The following SMARCA5 variants were observed in gnomAD, a reference collection of about 807,000 sequenced individuals.
The protein encoded by SMARCA5 is SNF2 related chromatin remodeling ATPase 5.
A neutral mutation model predicts 140.4 loss-of-function variants in SMARCA5; 18 were observed. The observed-to-expected ratio is 0.13, with a 90% CI of 0.09 to 0.19. SMARCA5 has a LOEUF of 0.19. SMARCA5 is among the 10% of genes least tolerant of loss of function. The probability of loss-of-function intolerance (pLI) is 1.00; values close to 1 mark genes in which losing one functional copy is unlikely to be tolerated. For missense variants in SMARCA5, 606 were observed against 1,276.8 expected, an observed-to-expected ratio of 0.47 and a Z score of 8.01; for synonymous variants, 449 against 419.6, an observed-to-expected ratio of 1.07 and a Z score of -0.86.
intron 22 of SMARCA5, among the ~76,000 whole-genome samples, chr4:143,549,731 T>C (rs1737605049): frequency 6.6e-6 from 1 of 152,148 alleles, no homozygotes; most frequent in East Asian, 1.9e-4. Context: ...TTCATTTTTA[T>C]TGCTTTAATT....
At chr4:143,522,755 G>C (rs1355317636) in intron 3 of SMARCA5, among the ~76,000 whole-genome samples, 1 of 151,622 alleles carries the variant, frequency 6.6e-6, no homozygotes, top group African/African-American at 2.4e-5. Flanking sequence ...TTATGGGATA[G>C]TCAGTATGAT....
intron 13 of SMARCA5, 78 bp from the exon 14 acceptor site, chr4:143,540,285 T>G (rs1737403138): frequency 6.2e-6 from 7 of 1,128,020 alleles, no homozygotes; most frequent in Non-Finnish European, 8.6e-6. Context: ...ATTTTAATTT[T>G]TTTTCTCAGT....
intron 11 of SMARCA5, among the ~76,000 whole-genome samples, chr4:143,538,264 A>C (rs1351029605): frequency 6.6e-6 from 1 of 152,186 alleles, no homozygotes; most frequent in African/African-American, 2.4e-5. Flanking sequence ...TATGCATTGA[A>C]GAGTTGTTGT....
At chr4:143,540,329 AACT>A in intron 13 of SMARCA5, 31 bp from the exon 14 acceptor site, 1 of 1,544,404 alleles carries the variant, frequency 6.5e-7, no homozygotes, top group East Asian at 2.3e-5. Flanking sequence ...GTGACTTTTA[AACT>A]AAATTCAAAA....
At chr4:143,533,671 C>T (rs1737245704) in intron 9 of SMARCA5, among the ~76,000 whole-genome samples, 1 of 151,950 alleles carries the variant, frequency 6.6e-6, no homozygotes, top group Admixed American at 6.6e-5. Context: ...CCTCGCCTGG[C>T]TAATTTTTTG....
chr4:143,514,020 C>G lies in SMARCA5; in HGVS notation c.96C>G (p.Ser32Arg). ...TCGCCAGCGGCGGGAGCAACAGCAGCAACAAAGGCGGCCCCGAAGGCGTCG... is the reference window on the plus strand; with the variant it reads ...TCGCCAGCGGCGGGAGCAACAGCAGGAACAAAGGCGGCCCCGAAGGCGTCG... ...ASIASGGSNSSNKGGPEGVAA... is the reference protein window; with the variant it reads ...ASIASGGSNSRNKGGPEGVAA... The change falls in exon 1 of 24, where the codon AGC (serine) becomes AGG (arginine). Residue 32 changes from serine (S) to arginine (R), a missense_variant. Transcript: ENST00000283131. The G allele has an allele frequency of 1.3e-6, 2 of 1,553,076 alleles. No individual in the cohort carries two copies. Among genetic ancestry groups the G allele is most frequent in the Non-Finnish European group, 1.7e-6 (2 of 1,156,900 alleles).
intron 14 of SMARCA5, 35 bp downstream of exon 14, chr4:143,540,530 G>T (rs974666087): frequency 6.3e-7 from 1 of 1,581,516 alleles, no homozygotes; most frequent in African/African-American, 1.4e-5. Flanking sequence ...TACCAAGTTG[G>T]ATTGACACAA....
Position 143,555,173 on chromosome 4 carries a change from C to A in SMARCA5, c.*1989C>A, listed in dbSNP as rs1022107101. 4 of 721,848 alleles carry A rather than the reference C, an allele frequency of 5.5e-6. No homozygotes were observed. The highest frequency in any genetic ancestry group is 1.0e-5 in the Non-Finnish European group (4 of 392,518). 44.7% of individuals were successfully genotyped at this position (721,848 alleles called of 1,614,324 possible). A position where few individuals can be genotyped will look rare whatever the true frequency, so the allele number is the denominator to read the frequency against. On this transcript the variant is annotated 3_prime_UTR_variant, in exon 24 of 24. Coordinates refer to ENST00000283131, the MANE Select transcript of SMARCA5 (RefSeq NM_003601.4). ...GGAACTGCCTTAGCCACCTTGGTAT[C>A]GTGGTTTGGCAAAGTATTGGCCTCT...
At chr4:143,538,993 C>G in intron 13 of SMARCA5, 55 bp downstream of exon 13, 1 of 1,448,648 alleles carries the variant, frequency 6.9e-7, no homozygotes, top group Non-Finnish European at 9.5e-7. Flanking sequence ...TTAGTTAGGA[C>G]AGGCTAATTC....
intron 16 of SMARCA5, chr4:143,544,261 T>C (rs1409215826): frequency 5.0e-6 from 1 of 200,360 alleles, no homozygotes; most frequent in Non-Finnish European, 9.9e-6. Flanking sequence ...ATTCATTTTA[T>C]TTTAAACAGC....
chr4:143,527,311 A>G (rs1215267980), intron 6 of SMARCA5, among the ~76,000 whole-genome samples: 2 of 152,134 alleles, frequency 1.3e-5, no homozygotes, highest in African/African-American at 4.8e-5. Context: ...TGTGAGTGAT[A>G]AGTCTATATT....
Position 143,513,974 on chromosome 4 carries a change from C to T in SMARCA5, c.50C>T (p.Pro17Leu), listed in dbSNP as rs758303815. The stretch of plus-strand genomic sequence containing the variant: ...CCACCCCCGCCTCCCGAGAGCGCGC[C>T]TTCCAAGCCCGCAGCCTCGATCGCC... Reference protein sequence around the residue: ...PPPPPPPESAPSKPAASIASG... With the variant: ...PPPPPPPESALSKPAASIASG... The change falls in exon 1 of 24, where the codon CCT (proline) becomes CTT (leucine). Residue 17 changes from proline (P) to leucine (L), a missense_variant. This residue lies in a region of SMARCA5 where 164 missense variants were observed against 128.4 expected (regional missense o/e 1.28). Coordinates refer to ENST00000283131, the MANE Select transcript of SMARCA5 (RefSeq NM_003601.4). 1.0e-5 allele frequency: 16 copies of T among 1,558,830 alleles called. No individual in the cohort carries two copies. The East Asian group carries it at 3.3e-4, about 32-fold the overall frequency.
intron 2 of SMARCA5, among the ~76,000 whole-genome samples, chr4:143,520,605 A>T (rs1736937338): frequency 6.6e-6 from 1 of 152,170 alleles, no homozygotes; most frequent in Non-Finnish European, 1.5e-5. Context: ...GTCTTTTTGT[A>T]ATTTATTCCC....
At chr4:143,547,057 G>A in intron 20 of SMARCA5, 149 bp downstream of exon 20, 1 of 813,470 alleles carries the variant, frequency 1.2e-6, no homozygotes, top group Non-Finnish European at 1.8e-6. Flanking sequence ...AAAATGTTCT[G>A]TTTCCAGAAA....
chr4:143,555,220 T>G lies in SMARCA5; in HGVS notation c.*2036T>G. On this transcript the variant is annotated 3_prime_UTR_variant, in exon 24 of 24. Coordinates refer to ENST00000283131, the MANE Select transcript of SMARCA5 (RefSeq NM_003601.4). ...CTCTACCACCATAGGGCCCAGAGCT[T>G]CTGCCTCCAAAGTTTCCTCCCTTCA... 6.1e-6 allele frequency: 5 copies of G among 820,902 alleles called. No homozygotes were observed. Among genetic ancestry groups the G allele is most frequent in the Admixed American group, 3.4e-5 (2 of 58,096 alleles). 50.9% of individuals were successfully genotyped at this position (820,902 alleles called of 1,614,324 possible).
Position 143,539,031 on chromosome 4 carries a change from G to T in SMARCA5, c.1770+93G>T, listed in dbSNP as rs1159382784. 5 of 1,113,450 alleles carry T rather than the reference G, an allele frequency of 4.5e-6. No individual in the cohort carries two copies. In the African/African-American group the frequency reaches 6.3e-5, roughly 14 times the overall value. 69.0% of individuals were successfully genotyped at this position (1,113,450 alleles called of 1,614,324 possible). A position where few individuals can be genotyped will look rare whatever the true frequency, so the allele number is the denominator to read the frequency against. ...CAAATATCAGTGACTTAACCCAATAGAATTTTATTTTTCTCTAATCTAATG... is the reference window on the plus strand; with the variant it reads ...CAAATATCAGTGACTTAACCCAATATAATTTTATTTTTCTCTAATCTAATG... On this transcript the variant is annotated intron_variant, in intron 13 of 23. Coordinates refer to ENST00000283131, the MANE Select transcript of SMARCA5 (RefSeq NM_003601.4).
At chr4:143,514,785 A>G (rs914751650) in intron 1 of SMARCA5, 3 of 152,210 alleles carry the variant, frequency 2.0e-5, no homozygotes, top group African/African-American at 4.8e-5. Flanking sequence ...GGGGGGATGA[A>G]TAAGTGTAGG....
At chr4:143,524,608 A>C (rs924978603) in intron 4 of SMARCA5, 141 bp downstream of exon 4, 1 of 595,068 alleles carries the variant, frequency 1.7e-6, no homozygotes, top group Non-Finnish European at 3.0e-6. Context: ...AATAAACTTC[A>C]GATTTTGATG....
intron 23 of SMARCA5, among the ~76,000 whole-genome samples, 164 bp downstream of exon 23, chr4:143,550,268 A>G (rs556275548): frequency 3.5e-4 from 48 of 137,636 alleles, no homozygotes; most frequent in African/African-American, 1.3e-3. Context: ...ACCCAAGCTC[A>G]TAATTTGAGA....
Sources: gnomAD v4.1 joint callset for allele counts (sites outside exome capture counted in the v4.1 genomes callset) on GRCh38, gnomAD v4.1.1 for gene constraint, gnomAD v4.1.1 regional missense constraint, MANE v1.5 for transcripts, NCBI Gene and HGNC (gene_info 2026-07-23, HGNC 2026-07-21) for gene names.